The following GPR83 variants were observed in gnomAD, a reference collection of about 807,000 sequenced individuals.
GPR83 encodes G protein-coupled receptor 83.
GPR83 carries 23 observed loss-of-function variants against 28.0 expected under a neutral mutation model. The observed-to-expected ratio is 0.82, with a 90% CI of 0.59 to 1.16. The LOEUF (loss-of-function observed/expected upper bound fraction) is 1.16. Ranked by LOEUF, GPR83 falls within the 50% of genes most tolerant of loss-of-function variation. GPR83 has a pLI of 0.00. For synonymous variants in GPR83, 234 were observed against 215.4 expected (o/e 1.09, Z -0.76); for missense variants, 610 against 536.6 (o/e 1.14, Z -1.35).
rs771502713 is a variant in GPR83, at chr11:94,380,184, GGTCT to G, written c.1233_1236del (p.Asp412CysfsTer8). ...GTCACAATGGGTTCCACAGATGACA[GGTCT>G]GTCTTCCCAGACTGGAGTTGGGAGG... On this transcript the variant is annotated frameshift_variant, in exon 4 of 4. Transcript: ENST00000243673. LOFTEE classifies it high-confidence loss of function. 6.6e-7 allele frequency: 1 copy of G among 1,518,236 alleles called. No homozygotes were observed. Among genetic ancestry groups the G allele is most frequent in the Non-Finnish European group, 8.8e-7 (1 of 1,134,788 alleles). The allele number at this position is 1,518,236 out of a possible 1,614,324, so 94.0% of individuals were successfully genotyped here. A position where few individuals can be genotyped will look rare whatever the true frequency, so the allele number is the denominator to read the frequency against.
At chr11:94,389,314 A>C (rs1211427252) in intron 3 of GPR83, among the ~76,000 whole-genome samples, 1 of 152,250 alleles carries the variant, frequency 6.6e-6, no homozygotes, top group African/African-American at 2.4e-5. Context: ...AAAAGCCAAA[A>C]TTGACAAATG....
At position 94,400,902 on chromosome 11, in the gene GPR83, C is replaced by T. The variant is rs1256771683; in HGVS notation, c.346G>A (p.Ala116Thr). 6.2e-7 allele frequency: 1 copy of T among 1,614,164 alleles called. No homozygotes were observed. ...TSLFIVNLAV[A>T]DIMITLLNTP... ...TTGAGCAGCGTGATCATTATGTCGG[C>T]AACTGCCAGGTTGACGATGAAGAGG... Residue 116 changes from alanine (A) to threonine (T), a missense_variant, in exon 1 of 4, where the codon GCC (alanine) becomes ACC (threonine). Physicochemically the swap from Ala to Thr is moderately conservative, Grantham distance 58. Coordinates refer to ENST00000243673, the MANE Select transcript of GPR83 (RefSeq NM_016540.4).
At chr11:94,388,942 A>T (rs1944786661) in intron 3 of GPR83, among the ~76,000 whole-genome samples, 1 of 152,212 alleles carries the variant, frequency 6.6e-6, no homozygotes, top group African/African-American at 2.4e-5. Context: ...GGCTACAGTA[A>T]CCAAAACAGC....
chr11:94,382,622 A>G, intron 3 of GPR83, among the ~76,000 whole-genome samples: 1 of 152,166 alleles, frequency 6.6e-6, no homozygotes, highest in East Asian at 1.9e-4. Context: ...TAGACAGATC[A>G]ATGAGACAGA....
rs573030926 is a variant in GPR83, at chr11:94,377,883, C to G, written c.*2266G>C. 4 of 152,304 alleles carry G rather than the reference C, an allele frequency of 2.6e-5. No individual in the cohort carries two copies. The highest frequency in any genetic ancestry group is 7.2e-5 in the African/African-American group (3 of 41,556). The allele number at this position is 152,304 out of a possible 1,614,324, so 9.4% of individuals were successfully genotyped here. A position where few individuals can be genotyped will look rare whatever the true frequency, so the allele number is the denominator to read the frequency against. On this transcript the variant is annotated 3_prime_UTR_variant, in exon 4 of 4. Coordinates refer to ENST00000243673, the MANE Select transcript of GPR83 (RefSeq NM_016540.4). ...GTTTATTGAGATGTAAGTCAAGGAG[C>G]TTCTGTATTCCTAGACACCCTCAGA...
At chr11:94,383,287 G>C (rs1944713301) in intron 3 of GPR83, among the ~76,000 whole-genome samples, 2 of 152,194 alleles carry the variant, frequency 1.3e-5, no homozygotes, top group Admixed American at 1.3e-4. Flanking sequence ...TTGCAACCAA[G>C]AAGAATGAAG....
At chr11:94,382,886 C>A (rs142064771) in intron 3 of GPR83, among the ~76,000 whole-genome samples, 4 of 152,204 alleles carry the variant, frequency 2.6e-5, no homozygotes, top group African/African-American at 4.8e-5. Context: ...CACTCAAGGC[C>A]GGGCACGGTG....
At chr11:94,382,029 C>T (rs1591600473) in intron 3 of GPR83, among the ~76,000 whole-genome samples, 2 of 152,118 alleles carry the variant, frequency 1.3e-5, no homozygotes, top group South Asian at 2.1e-4. Context: ...GCCTTTATCA[C>T]AAAACCTGTC....
chr11:94,392,564 C>T (rs1363097619), intron 3 of GPR83, among the ~76,000 whole-genome samples: 1 of 152,112 alleles, frequency 6.6e-6, no homozygotes, highest in African/African-American at 2.4e-5. Context: ...GTGGCTCATG[C>T]CTGTAATCTC....
chr11:94,393,520 A>C lies in GPR83; in HGVS notation c.612T>G (p.His204Gln). The change falls in exon 3 of 4, where the codon CAT (histidine) becomes CAG (glutamine). Residue 204 changes from histidine (H) to glutamine (Q), a missense_variant. Coordinates refer to ENST00000243673, the MANE Select transcript of GPR83 (RefSeq NM_016540.4). ...WTMATFFSLPHAICQKLFTFK... is the reference protein window; with the variant it reads ...WTMATFFSLPQAICQKLFTFK... ...AGGTAAATAATTTCTGGCAGATAGC[A>C]TGTGGGAGTGAAAAGAACGTAGCCA... 6.2e-7 allele frequency: 1 copy of C among 1,614,032 alleles called. No individual in the cohort carries two copies. The highest frequency in any genetic ancestry group is 8.5e-7 in the Non-Finnish European group (1 of 1,179,910).
At chr11:94,382,064 C>G (rs377680528) in intron 3 of GPR83, among the ~76,000 whole-genome samples, 1 of 152,074 alleles carries the variant, frequency 6.6e-6, no homozygotes, top group East Asian at 1.9e-4. Context: ...TCTAACACAA[C>G]AAATGAGGCC....
intron 2 of GPR83, among the ~76,000 whole-genome samples, chr11:94,395,162 G>A (rs1434483800): frequency 6.6e-6 from 1 of 152,078 alleles, no homozygotes; most frequent in Non-Finnish European, 1.5e-5. Context: ...GAATCTCCTC[G>A]AATACCTCCC....
rs545391768 is a variant in GPR83, at chr11:94,400,221, G to A, written c.387+640C>T. On this transcript the variant is annotated intron_variant, in intron 1 of 3. Transcript: ENST00000243673. The stretch of plus-strand genomic sequence containing the variant: ...CTGATCATCTCTGCTGACATTTCAG[G>A]GGCATTGATTTACTGCTCAATTATC... 3.9e-5 allele frequency among the ~76,000 whole-genome samples: 6 copies of A among 152,222 alleles called. No individual in the cohort carries two copies. The East Asian group carries it at 1.2e-3, about 29-fold the overall frequency.
chr11:94,394,426 G>T (rs547138599), intron 2 of GPR83, among the ~76,000 whole-genome samples: 2 of 152,318 alleles, frequency 1.3e-5, no homozygotes, highest in African/African-American at 4.8e-5. Flanking sequence ...AGTTGCTACT[G>T]TATATCAATC....
intron 1 of GPR83, among the ~76,000 whole-genome samples, chr11:94,396,754 C>T (rs1261311788): frequency 6.6e-6 from 1 of 151,832 alleles, no homozygotes; most frequent in Non-Finnish European, 1.5e-5. Context: ...CATTAGGTGC[C>T]AGGAGAGCCT....
intron 3 of GPR83, among the ~76,000 whole-genome samples, chr11:94,390,793 A>G (rs897869285): frequency 6.6e-6 from 1 of 152,206 alleles, no homozygotes; most frequent in East Asian, 1.9e-4. Flanking sequence ...TTCAAGGAGA[A>G]CTACAAACCA....
At chr11:94,388,766 T>C (rs1944784424) in intron 3 of GPR83, among the ~76,000 whole-genome samples, 2 of 152,180 alleles carry the variant, frequency 1.3e-5, no homozygotes, top group South Asian at 4.1e-4. Flanking sequence ...ATTTATAGAT[T>C]CAATGCCATC....
At chr11:94,399,209 G>A (rs2134698155) in intron 1 of GPR83, among the ~76,000 whole-genome samples, 1 of 152,334 alleles carries the variant, frequency 6.6e-6, no homozygotes, top group South Asian at 2.1e-4. Context: ...GGGTGACAGG[G>A]ATGCTGTTGT....
At chr11:94,398,371 G>A (rs1944884785) in intron 1 of GPR83, among the ~76,000 whole-genome samples, 1 of 152,104 alleles carries the variant, frequency 6.6e-6, no homozygotes, top group African/African-American at 2.4e-5. Context: ...TGTGCTTCCT[G>A]ATGCTCCAGC....
Sources: gnomAD v4.1 joint callset for allele counts (sites outside exome capture counted in the v4.1 genomes callset) on GRCh38, gnomAD v4.1.1 for gene constraint, MANE v1.5 for transcripts, NCBI Gene and HGNC (gene_info 2026-07-23, HGNC 2026-07-21) for gene names.